Variants in HEATR5B observed in about 807,000 individuals in gnomAD.
HEATR5B encodes the protein HEAT repeat-containing protein 5B.
In HEATR5B, 156 loss-of-function variants were observed where a neutral mutation model predicts 224.1. The ratio of observed to expected loss-of-function variants is 0.70; its 90% confidence interval spans 0.61 to 0.80. The LOEUF (loss-of-function observed/expected upper bound fraction) is 0.80, where lower values mean the gene tolerates loss of function less well. HEATR5B is among the 30% of genes least tolerant of loss of function. The pLI is 0.00. For missense variants in HEATR5B, 2,323 were observed against 2,535.5 expected (o/e 0.92, Z 1.80); for synonymous variants, 1,027 against 893.0 (o/e 1.15, Z -2.68).
intron 31 of HEATR5B, among the ~76,000 whole-genome samples, chr2:37,002,947 GATTA>G (rs752472651): frequency 2.0e-5 from 3 of 152,094 alleles, no homozygotes; most frequent in African/African-American, 7.2e-5. Flanking sequence ...CTAAATGTAT[GATTA>G]ATTCTTTTTT....
At chr2:37,064,093 T>A (rs1671444964) in intron 10 of HEATR5B, among the ~76,000 whole-genome samples, 2 of 152,076 alleles carry the variant, frequency 1.3e-5, no homozygotes, top group Admixed American at 1.3e-4. Flanking sequence ...GGATTACAGG[T>A]ATGAGCCATC....
intron 24 of HEATR5B, among the ~76,000 whole-genome samples, chr2:37,026,693 ATC>A: frequency 6.6e-6 from 1 of 152,300 alleles, no homozygotes; most frequent in African/African-American, 2.4e-5. Flanking sequence ...TGCAGTAAAT[ATC>A]TGCTGAATAA....
chr2:37,039,797 G>C (rs1057515026), intron 20 of HEATR5B, among the ~76,000 whole-genome samples: 2 of 152,110 alleles, frequency 1.3e-5, no homozygotes, highest in Non-Finnish European at 2.9e-5. Context: ...TACAAACATA[G>C]GCTTTAGGAT....
rs1265214984 is a variant in HEATR5B, at chr2:37,007,383, G to A, written c.4523-79C>T. On this transcript the variant is annotated intron_variant, in intron 28 of 35. Transcript: ENST00000233099. ...TTTTGAGACCAAGTCTCGTTCTGTC[G>A]CCCAGGCTGGAGTGCAATGGTGCGA... is the stretch of plus-strand genomic sequence containing the variant. 2.0e-5 allele frequency: 28 copies of A among 1,393,004 alleles called. 1 individual carries two copies. Among genetic ancestry groups the A allele is most frequent in the Admixed American group, 1.2e-4 (4 of 34,478 alleles). 86.3% of individuals were successfully genotyped at this position (1,393,004 alleles called of 1,614,324 possible).
chr2:37,003,139 C>T (rs183209589), intron 31 of HEATR5B, among the ~76,000 whole-genome samples: 4 of 151,656 alleles, frequency 2.6e-5, no homozygotes, highest in Non-Finnish European at 5.9e-5. Context: ...TCTGTAAACC[C>T]AGGTACTCTG....
Position 37,070,336 on chromosome 2 carries a change from A to C in HEATR5B, c.821T>G (p.Met274Arg). The C allele has an allele frequency of 6.2e-7, 1 of 1,614,066 alleles. No individual in the cohort carries two copies. Among genetic ancestry groups the C allele is most frequent in the Non-Finnish European group, 8.5e-7 (1 of 1,179,920 alleles). ...CCCTCCACGCAGAAATCCTGTGGCC[A>C]TGAGTTCTAAGACTTCATCAAATGT... is the stretch of plus-strand genomic sequence containing the variant. Reference protein sequence around the residue: ...RATFDEVLELMATGFLRGGSG... With the variant: ...RATFDEVLELRATGFLRGGSG... Residue 274 changes from methionine (M) to arginine (R), a missense_variant, in exon 7 of 36, where the codon ATG becomes AGG. This residue lies in a region of HEATR5B where 292 missense variants were observed against 332.6 expected (regional missense o/e 0.88). Transcript: ENST00000233099.
At chr2:37,066,927 T>C (rs992126264) in intron 8 of HEATR5B, among the ~76,000 whole-genome samples, 1 of 152,040 alleles carries the variant, frequency 6.6e-6, no homozygotes, top group East Asian at 1.9e-4. Context: ...TGGAGTGCGG[T>C]GGTGCCATCT....
At chr2:37,014,213 G>GCA (rs1667969768) in intron 26 of HEATR5B, among the ~76,000 whole-genome samples, 193 bp from the exon 27 acceptor site, 1 of 152,102 alleles carries the variant, frequency 6.6e-6, no homozygotes, top group African/African-American at 2.4e-5. Context: ...CCAGGCTGCA[G>GCA]CGGAGTGGCG....
At chr2:37,065,310 T>G (rs565094921) in intron 9 of HEATR5B, among the ~76,000 whole-genome samples, 6 of 152,202 alleles carry the variant, frequency 3.9e-5, no homozygotes, top group African/African-American at 1.4e-4. Context: ...AATTCAATAT[T>G]CTTTACAAGG....
At chr2:36,981,881 A>G in intron 35 of HEATR5B, 87 bp from the exon 36 acceptor site, 1 of 949,370 alleles carries the variant, frequency 1.1e-6, no homozygotes, top group Non-Finnish European at 1.6e-6. Context: ...GGAAGACTGA[A>G]CATAATAAAA....
At chr2:36,995,752 T>C (rs755881480) in intron 33 of HEATR5B, among the ~76,000 whole-genome samples, 6 of 152,250 alleles carry the variant, frequency 3.9e-5, no homozygotes, top group Non-Finnish European at 7.3e-5. Context: ...ATTATCCAAA[T>C]GAATATACTA....
At chr2:37,079,414 T>G (rs1672421978) in intron 2 of HEATR5B, 83 bp from the exon 3 acceptor site, 1 of 647,504 alleles carries the variant, frequency 1.5e-6, no homozygotes, top group Non-Finnish European at 2.6e-6. Flanking sequence ...CACTTAACAC[T>G]TAAGGCACTC....
At chr2:37,059,434 G>A (rs868632098) in intron 12 of HEATR5B, among the ~76,000 whole-genome samples, 959 of 84,816 alleles carry the variant, frequency 0.011, 23 homozygotes, top group African/African-American at 0.043. Context: ...GTGTGTGTGT[G>A]TGTGTGTGTG....
intron 29 of HEATR5B, 104 bp from the exon 30 acceptor site, chr2:37,005,863 A>G (rs994479202): frequency 1.5e-5 from 13 of 867,756 alleles, no homozygotes; most frequent in Non-Finnish European, 2.0e-5. Context: ...TTACCTTAAC[A>G]TGTATTTATT....
In HEATR5B at chr2:37,002,343, G is replaced by C; in HGVS notation, c.5280C>G (p.Thr1760=). ...ESARLVAATV[T]ILSDLPSLCS... is the part of the protein sequence containing the mutation. ...AAAGGGATGGTAAATCAGAGAGTAT[G>C]GTAACTGTGGCTGCCACCAAACGAG... Residue 1760 remains threonine (T), a synonymous_variant, in exon 32 of 36, where the codon ACC becomes ACG. Coordinates refer to ENST00000233099, the MANE Select transcript of HEATR5B (RefSeq NM_019024.3). 6.2e-7 allele frequency: 1 copy of C among 1,614,226 alleles called. No individual in the cohort carries two copies. The highest frequency in any genetic ancestry group is 8.5e-7 in the Non-Finnish European group (1 of 1,180,034).
At chr2:37,051,657 T>G (rs1472078175) in intron 17 of HEATR5B, among the ~76,000 whole-genome samples, 1 of 152,092 alleles carries the variant, frequency 6.6e-6, no homozygotes, top group Non-Finnish European at 1.5e-5. Context: ...TCTAAAAAAC[T>G]CACAGGTCCA....
At chr2:37,028,630 T>A in intron 23 of HEATR5B, 51 bp downstream of exon 23, 1 of 1,500,556 alleles carries the variant, frequency 6.7e-7, no homozygotes, top group South Asian at 1.2e-5. Context: ...TATGTATATA[T>A]CAGAAGTAAA....
chr2:37,004,061 T>C (rs1309047993), intron 30 of HEATR5B, among the ~76,000 whole-genome samples: 1 of 152,186 alleles, frequency 6.6e-6, no homozygotes, highest in African/African-American at 2.4e-5. Flanking sequence ...TACCACAGAT[T>C]GTAGAAATCT....
At chr2:37,035,849 T>C (rs10177767) in intron 21 of HEATR5B, among the ~76,000 whole-genome samples, 1 of 152,160 alleles carries the variant, frequency 6.6e-6, no homozygotes, top group Non-Finnish European at 1.5e-5. Flanking sequence ...TAAAACTAAC[T>C]ATCCATGTGT....
Sources: gnomAD v4.1 joint callset for allele counts (sites outside exome capture counted in the v4.1 genomes callset) on GRCh38, gnomAD v4.1.1 for gene constraint, gnomAD v4.1.1 regional missense constraint, MANE v1.5 for transcripts, NCBI Gene and HGNC (gene_info 2026-07-23, HGNC 2026-07-21) for gene names.